The following TTC14 variants were observed in gnomAD, a reference collection of about 807,000 sequenced individuals.
TTC14 encodes tetratricopeptide repeat protein 14.
In TTC14, 63 loss-of-function variants were observed where a neutral mutation model predicts 79.9. That is an observed-to-expected ratio of 0.79 (90% CI 0.64 to 0.97). The LOEUF is 0.97. Among genes scored for constraint, TTC14 ranks in the 50% least tolerant of loss-of-function variants. The pLI is 0.00. For missense variants in TTC14, 895 were observed against 894.0 expected (o/e 1.00, Z -0.01); for synonymous variants, 335 against 309.6 (o/e 1.08, Z -0.86).
At position 180,607,685 on chromosome 3, in the gene TTC14, T is replaced by C. The variant is rs768569760; in HGVS notation, c.1210T>C (p.Tyr404His). 2 of 1,608,630 alleles carry C rather than the reference T, an allele frequency of 1.2e-6. No homozygotes were observed. The highest frequency in any genetic ancestry group is 8.5e-7 in the Non-Finnish European group (1 of 1,178,302). ...EEEKFLNAES[Y>H]YKKALALDET... ...AGAAAAGTTTTTAAATGCTGAAAGT[T>C]ACTATAAGAAAGCTTTGGCTTTGGA... Residue 404 changes from tyrosine to histidine, a missense_variant, in exon 10 of 12, where the codon TAC becomes CAC. By Grantham distance (83) the Tyr-to-His change is moderately conservative. Transcript: ENST00000296015.
At chr3:180,609,388 T>C (rs940104862) in intron 11 of TTC14, 1 of 1,189,676 alleles carries the variant, frequency 8.4e-7, no homozygotes, top group African/African-American at 1.6e-5. Context: ...TAAGGTAGTG[T>C]TGAAAAAAGT....
intron 9 of TTC14, 31 bp from the exon 10 acceptor site, chr3:180,607,617 C>CA (rs1298178085): frequency 1.3e-6 from 2 of 1,585,802 alleles, no homozygotes; most frequent in Admixed American, 3.7e-5. Context: ...GTTGTTTTTA[C>CA]AAAAAAGCTA....
In TTC14 at chr3:180,606,494, G is replaced by A. The variant is rs377386337; in HGVS notation, c.1063G>A (p.Gly355Arg). The change falls in exon 9 of 12, where the codon GGA becomes AGA. Residue 355 changes from glycine to arginine, a missense_variant. By Grantham distance (125) the Gly-to-Arg change is moderately radical (BLOSUM62 -2). Transcript: ENST00000296015. Reference protein sequence around the residue: ...VARGALYATKGSLNKAIEDFE... With the variant: ...VARGALYATKRSLNKAIEDFE... ...TCATGTCTCTAGATATGCGACAAAA[G>A]GAAGTTTGAACAAAGCAATAGAAGA... The A allele has an allele frequency of 6.2e-7, 1 of 1,613,792 alleles. No homozygotes were observed. Among genetic ancestry groups the A allele is most frequent in the Non-Finnish European group, 8.5e-7 (1 of 1,179,864 alleles).
intron 10 of TTC14, chr3:180,608,409 T>TA (rs1333559311): frequency 1.0e-6 from 1 of 995,040 alleles, no homozygotes; most frequent in Non-Finnish European, 1.2e-6. Flanking sequence ...TTTTTTTTTT[T>TA]AACCTTTCTT....
rs1393100168 is a variant in TTC14 at position 180,606,275 on chromosome 3, T to C, written c.952T>C (p.Phe318Leu). 6.2e-7 allele frequency: 1 copy of C among 1,614,122 alleles called. No individual in the cohort carries two copies. Among genetic ancestry groups the C allele is most frequent in the East Asian group, 2.2e-5 (1 of 44,870 alleles). Reference sequence around the variant, plus strand: ...TAGTGTGAAGATCGGAGTTGACTATTTTAAAGTTGGACGCCATGTGGATGC... The same window carrying C: ...TAGTGTGAAGATCGGAGTTGACTATCTTAAAGTTGGACGCCATGTGGATGC... ...LKCVKIGVDY[F>L]KVGRHVDAMN... The change falls in exon 8 of 12, where the codon TTT becomes CTT. Residue 318 changes from phenylalanine (F) to leucine (L), a missense_variant. Physicochemically the swap from Phe to Leu is conservative, Grantham distance 22. Transcript: ENST00000296015.
intron 3 of TTC14, chr3:180,603,730 A>C: frequency 4.1e-6 from 1 of 244,044 alleles, no homozygotes; most frequent in Non-Finnish European, 8.1e-6. Flanking sequence ...AATTAAATGT[A>C]AGTGGTTTGT....
Position 180,603,145 on chromosome 3 carries a change from CTT to C in TTC14, c.310_311del (p.Leu104ArgfsTer8). On this transcript the variant is annotated frameshift_variant, in exon 3 of 12. Coordinates refer to ENST00000296015, the MANE Select transcript of TTC14 (RefSeq NM_133462.4). LOFTEE classifies it high-confidence loss of function. ...TTAGATCATTATGCAATCATGCCAC[CTT>C]TAGAGCAATTCATGGAGATACCTAG... is the stretch of plus-strand genomic sequence containing the variant. 1 of 1,613,796 alleles carries C rather than the reference CTT, an allele frequency of 6.2e-7. No homozygotes were observed. The highest frequency in any genetic ancestry group is 8.5e-7 in the Non-Finnish European group (1 of 1,179,970).
chr3:180,609,564 C>A, intron 11 of TTC14, 66 bp from the exon 12 acceptor site: 1 of 1,422,682 alleles, frequency 7.0e-7, no homozygotes, highest in Non-Finnish European at 9.2e-7. Flanking sequence ...CAAATAGGGC[C>A]CACATCTTTA....
intron 9 of TTC14, 31 bp downstream of exon 9, chr3:180,606,634 G>T: frequency 1.3e-6 from 2 of 1,577,384 alleles, no homozygotes; most frequent in Non-Finnish European, 1.7e-6. Flanking sequence ...AATAGTGGAG[G>T]TCTAATGTTC....
In TTC14 at chr3:180,604,658, A is replaced by T. The variant is rs1372853132; in HGVS notation, c.701+51A>T. The stretch of plus-strand genomic sequence containing the variant: ...ACAGTTCATTACAAAAGTCTCTTGG[A>T]TTGAGGAATACCACATTTTTATAAC... On this transcript the variant is annotated intron_variant, in intron 5 of 11. Transcript: ENST00000296015. The T allele has an allele frequency of 1.9e-6, 3 of 1,550,374 alleles. No homozygotes were observed. The South Asian group carries it at 3.6e-5, about 19-fold the overall frequency.
At chr3:180,613,828 A>G, downstream of TTC14, 1 of 451,586 alleles carries the variant, frequency 2.2e-6, no homozygotes, top group South Asian at 1.6e-5. Flanking sequence ...TTTTTCGCCC[A>G]CCTTATTCTT....
chr3:180,606,217 GA>G (rs1447666654), intron 7 of TTC14, 35 bp from the exon 8 acceptor site: 1 of 1,607,018 alleles, frequency 6.2e-7, no homozygotes, highest in Non-Finnish European at 8.5e-7. Context: ...GATATTGTTT[GA>G]AGTGTTTGTG....
Position 180,602,885 on chromosome 3 carries a change from T to C in TTC14, c.162-6T>C. On this transcript the variant is annotated splice_polypyrimidine_tract_variant and splice_region_variant and intron_variant, in intron 1 of 11. Transcript: ENST00000296015. Reference sequence around the variant, plus strand: ...CAATTTTCATATATATTTTTTTCTTTTTAAGAAAAGAGAAGAGAGTTGACA... The same window carrying C: ...CAATTTTCATATATATTTTTTTCTTCTTAAGAAAAGAGAAGAGAGTTGACA... 3.8e-6 allele frequency: 6 copies of C among 1,599,078 alleles called. No homozygotes were observed. Among genetic ancestry groups the C allele is most frequent in the Non-Finnish European group, 5.1e-6 (6 of 1,176,108 alleles).
downstream of TTC14, among the ~76,000 whole-genome samples, chr3:180,615,441 AC>A (rs981513343): frequency 2.0e-5 from 3 of 152,132 alleles, no homozygotes; most frequent in Non-Finnish European, 2.9e-5. Flanking sequence ...TTAAAATGAT[AC>A]CTTTTGTAAT....
intron 9 of TTC14, 110 bp downstream of exon 9, chr3:180,606,713 G>A (rs1716716559): frequency 8.0e-7 from 1 of 1,255,774 alleles, no homozygotes. Context: ...AACACTCTTG[G>A]TTTCAATAAA....
chr3:180,616,874 AC>A (rs1264315968), intron 12 of TTC14: 21 of 1,602,410 alleles, frequency 1.3e-5, no homozygotes, highest in Non-Finnish European at 1.8e-5. Flanking sequence ...CCGTTTCTTT[AC>A]TTAGTTGAAA....
chr3:180,617,475 A>C (rs746070899), exon 13 of TTC14: 7 of 687,638 alleles, frequency 1.0e-5, no homozygotes, highest in Non-Finnish European at 1.9e-5. Context: ...CATAGATGAC[A>C]GCTCCATTCA....
rs1716432343 is a variant in TTC14, at chr3:180,602,645, G to C, written c.161+223G>C. ...TCTGGCACTGCTTGGTAGAGGCGCA[G>C]ATTCCTTAGCTAAAAATCCCTTGAG... is the stretch of plus-strand genomic sequence containing the variant. On this transcript the variant is annotated intron_variant, in intron 1 of 11. Transcript: ENST00000296015. 25 of 714,002 alleles carry C rather than the reference G, an allele frequency of 3.5e-5. 1 individual carries two copies. The South Asian group carries it at 4.7e-4, about 13-fold the overall frequency. The allele number at this position is 714,002 out of a possible 1,614,324, so 44.2% of individuals were successfully genotyped here.
chr3:180,605,753 TTTTC>T lies in TTC14; in HGVS notation c.858-9_858-6del, dbSNP rs1171002137. The stretch of plus-strand genomic sequence containing the variant: ...TTGTGGTTTAACTTTTTAATTTTTA[TTTTC>T]TTTAATAGCAAAAATTTCTCTGAAG... On this transcript the variant is annotated splice_polypyrimidine_tract_variant and intron_variant, in intron 6 of 11. Coordinates refer to ENST00000296015, the MANE Select transcript of TTC14 (RefSeq NM_133462.4). 1.9e-6 allele frequency: 3 copies of T among 1,563,546 alleles called. No homozygotes were observed. In the African/African-American group the frequency reaches 4.2e-5, roughly 22 times the overall value.
Sources: gnomAD v4.1 joint callset for allele counts (sites outside exome capture counted in the v4.1 genomes callset) on GRCh38, gnomAD v4.1.1 for gene constraint, MANE v1.5 for transcripts, NCBI Gene and HGNC (gene_info 2026-07-23, HGNC 2026-07-21) for gene names.